ADAMTSL1: variants seen among roughly 807,000 people sequenced by gnomAD.
ADAMTSL1 encodes the protein ADAMTS like 1.
A neutral mutation model predicts 201.8 loss-of-function variants in ADAMTSL1; 126 were observed. The observed-to-expected ratio is 0.62, with a 90% CI of 0.54 to 0.72. The LOEUF is 0.72. ADAMTSL1 is among the 30% of genes least tolerant of loss of function. The pLI is 0.00. For synonymous variants in ADAMTSL1, 1,121 were observed against 903.4 expected, an observed-to-expected ratio of 1.24 and a Z score of -4.32; for missense variants, 2,679 against 2,277.8, an observed-to-expected ratio of 1.18 and a Z score of -3.59.
intron 1 of ADAMTSL1, among the ~76,000 whole-genome samples, chr9:17,961,053 T>A (rs952946501): frequency 2.0e-5 from 3 of 152,188 alleles, no homozygotes; most frequent in Admixed American, 6.6e-5. Flanking sequence ...TGTGTGCCAT[T>A]TATCTACCTT....
intron 2 of ADAMTSL1, among the ~76,000 whole-genome samples, chr9:18,458,773 G>C (rs533469560): frequency 1.5e-4 from 23 of 152,036 alleles, no homozygotes; most frequent in African/African-American, 5.3e-4. Context: ...GTAATTATGG[G>C]TAATTTGTTT....
chr9:18,009,876 A>G (rs188935990), intron 1 of ADAMTSL1, among the ~76,000 whole-genome samples: 9 of 152,204 alleles, frequency 5.9e-5, no homozygotes, highest in Admixed American at 2.6e-4. Context: ...CTCAGTCACA[A>G]ACATGCCAAT....
intron 14 of ADAMTSL1, among the ~76,000 whole-genome samples, chr9:18,720,258 A>G (rs1833251054): frequency 1.3e-5 from 2 of 152,156 alleles, no homozygotes; most frequent in East Asian, 1.9e-4. Context: ...ACCATTTACA[A>G]CTGTATGAAC....
At chr9:18,220,243 CT>C (rs1218895111) in intron 2 of ADAMTSL1, among the ~76,000 whole-genome samples, 2 of 151,998 alleles carry the variant, frequency 1.3e-5, no homozygotes, top group Non-Finnish European at 1.5e-5. Context: ...TTGTTGATTT[CT>C]TTTCATGGAA....
intron 2 of ADAMTSL1, among the ~76,000 whole-genome samples, chr9:18,446,604 C>T (rs1478612494): frequency 4.6e-5 from 7 of 152,164 alleles, no homozygotes; most frequent in Non-Finnish European, 1.5e-5. Flanking sequence ...GGGTCCATTC[C>T]AAATCAATCT....
intron 2 of ADAMTSL1, among the ~76,000 whole-genome samples, chr9:18,300,115 A>T (rs535359651): frequency 6.6e-6 from 1 of 152,344 alleles, no homozygotes; most frequent in South Asian, 2.1e-4. Context: ...TACTGGGTAT[A>T]TACCCAAAGG....
intron 1 of ADAMTSL1, among the ~76,000 whole-genome samples, chr9:18,021,830 T>A (rs1339346290): frequency 6.6e-6 from 1 of 152,146 alleles, no homozygotes; most frequent in Non-Finnish European, 1.5e-5. Context: ...TCTTAATCTT[T>A]CCTGTTTCTT....
intron 1 of ADAMTSL1, among the ~76,000 whole-genome samples, chr9:18,010,111 C>G (rs1465737622): frequency 1.3e-5 from 2 of 152,014 alleles, no homozygotes; most frequent in African/African-American, 2.4e-5. Context: ...ATACCAATCA[C>G]TGTACAGTGA....
chr9:17,946,149 A>C (rs1281547980), intron 1 of ADAMTSL1, among the ~76,000 whole-genome samples: 1 of 147,466 alleles, frequency 6.8e-6, no homozygotes, highest in Admixed American at 6.8e-5. Context: ...TCTCATGACC[A>C]CCATGCCCAG....
chr9:18,576,538 TA>T (rs2132380508), intron 4 of ADAMTSL1, among the ~76,000 whole-genome samples: 1 of 152,346 alleles, frequency 6.6e-6, no homozygotes, highest in South Asian at 2.1e-4. Flanking sequence ...CTTTAACTCT[TA>T]AATAGAATCA....
intron 2 of ADAMTSL1, among the ~76,000 whole-genome samples, chr9:18,456,387 T>G (rs16936722): frequency 0.013 from 1,910 of 152,222 alleles, 42 homozygotes; most frequent in African/African-American, 0.043. Context: ...GCATACTTCC[T>G]CAGTGGTACT....
intron 23 of ADAMTSL1, among the ~76,000 whole-genome samples, chr9:18,873,745 G>A (rs927176232): frequency 1.3e-5 from 2 of 152,096 alleles, no homozygotes; most frequent in Non-Finnish European, 2.9e-5. Context: ...CTCCAGATTT[G>A]TTCTTTTTGC....
chr9:18,073,482 A>T (rs1011720711), intron 1 of ADAMTSL1, among the ~76,000 whole-genome samples: 2 of 152,204 alleles, frequency 1.3e-5, no homozygotes, highest in African/African-American at 4.8e-5. Context: ...TACAGAGGAA[A>T]TTACATGCCA....
At chr9:18,593,977 A>G (rs1369759628) in intron 4 of ADAMTSL1, among the ~76,000 whole-genome samples, 1 of 151,452 alleles carries the variant, frequency 6.6e-6, no homozygotes, top group Non-Finnish European at 1.5e-5. Context: ...TTTTCTTTTT[A>G]CCATTTCTTG....
At chr9:18,277,439 A>T (rs1832627683) in intron 2 of ADAMTSL1, among the ~76,000 whole-genome samples, 1 of 152,172 alleles carries the variant, frequency 6.6e-6, no homozygotes, top group Non-Finnish European at 1.5e-5. Context: ...TACTGGGAAC[A>T]TATATATTAA....
At chr9:18,859,621 G>T (rs1827081809) in intron 23 of ADAMTSL1, among the ~76,000 whole-genome samples, 1 of 152,098 alleles carries the variant, frequency 6.6e-6, no homozygotes, top group Non-Finnish European at 1.5e-5. Context: ...TTTCTGAAGG[G>T]CAATTTAGCA....
intron 2 of ADAMTSL1, among the ~76,000 whole-genome samples, chr9:18,387,197 A>T (rs1021488713): frequency 2.0e-5 from 3 of 152,122 alleles, no homozygotes; most frequent in African/African-American, 7.2e-5. Flanking sequence ...CAATATAACA[A>T]ACTGTTTTAT....
chr9:18,234,251 G>C (rs531990131), intron 2 of ADAMTSL1, among the ~76,000 whole-genome samples: 123 of 152,286 alleles, frequency 8.1e-4, no homozygotes, highest in Middle Eastern at 3.4e-3. Context: ...AGAACGTGTT[G>C]GCAGAGAACG....
intron 2 of ADAMTSL1, among the ~76,000 whole-genome samples, chr9:18,439,521 C>T (rs1358735766): frequency 1.3e-5 from 2 of 152,102 alleles, no homozygotes; most frequent in Non-Finnish European, 2.9e-5. Context: ...TGCGCGCCAC[C>T]ACACCCAGCT....
Sources: allele counts gnomAD v4.1 joint callset (sites outside exome capture counted in the v4.1 genomes callset), GRCh38; gene constraint gnomAD v4.1.1; transcripts MANE v1.5; gene names NCBI Gene and HGNC (gene_info 2026-07-23, HGNC 2026-07-21).